The following RAB38 variants were observed in gnomAD, a reference collection of about 807,000 sequenced individuals.
RAB38 encodes ras-related protein Rab-38.
Under a neutral mutation model 18.4 loss-of-function variants are expected in RAB38, and 15 were observed. The observed-to-expected ratio is 0.82, with a 90% confidence interval of 0.55 to 1.26. RAB38 has a LOEUF of 1.26. Among genes scored for constraint, RAB38 ranks in the 50% most tolerant of loss-of-function variants. RAB38 has a pLI of 0.00. For synonymous variants in RAB38, 101 were observed against 104.4 expected (o/e 0.97, Z 0.20); for missense variants, 294 against 267.4 (o/e 1.10, Z -0.69).
chr11:88,052,901 CATATATATATAT>C, the RAB38 span, among the ~76,000 whole-genome samples: 6 of 21,510 alleles, frequency 2.8e-4, no homozygotes, highest in East Asian at 1.9e-3. Context: ...GAAAAAATTT[CATATATATATAT>C]ATATATATAT....
At chr11:87,879,839 A>G in the RAB38 span, 1 of 151,720 alleles carries the variant, frequency 6.6e-6, no homozygotes, top group Non-Finnish European at 1.5e-5. Flanking sequence ...CACATTGTAA[A>G]GAAATAAATG....
the RAB38 span, among the ~76,000 whole-genome samples, chr11:87,861,147 A>T: frequency 1.8e-4 from 28 of 151,932 alleles, no homozygotes; most frequent in Middle Eastern, 6.3e-3. Context: ...ACAGCTGCAG[A>T]CTGTCCACGT....
chr11:88,091,293 T>C, the RAB38 span, among the ~76,000 whole-genome samples: 1 of 151,992 alleles, frequency 6.6e-6, no homozygotes, highest in Admixed American at 6.6e-5. Flanking sequence ...CCAGGTGGGC[T>C]TCACTACAAT....
chr11:88,076,998 G>A, the RAB38 span, among the ~76,000 whole-genome samples: 6 of 95,700 alleles, frequency 6.3e-5, no homozygotes, highest in African/African-American at 1.0e-4. Context: ...GAAAAGAAAA[G>A]AAAAGAAAAG....
downstream of RAB38, among the ~76,000 whole-genome samples, chr11:88,111,141 G>C (rs150823387): frequency 0.015 from 2,288 of 152,180 alleles, 55 homozygotes; most frequent in African/African-American, 0.053. Flanking sequence ...TTCTAATCAA[G>C]GTTCATTGCA....
At chr11:87,908,812 C>T in the RAB38 span, among the ~76,000 whole-genome samples, 10 of 151,998 alleles carry the variant, frequency 6.6e-5, no homozygotes, top group African/African-American at 7.2e-5. Context: ...TTCCTGTATT[C>T]GGTCACAACA....
At chr11:87,854,986 C>T in the RAB38 span, among the ~76,000 whole-genome samples, 1 of 151,840 alleles carries the variant, frequency 6.6e-6, no homozygotes, top group Admixed American at 6.6e-5. Context: ...TAGTAGAGAT[C>T]GGGTTTCACT....
the RAB38 span, among the ~76,000 whole-genome samples, chr11:88,107,417 A>G: frequency 1.3e-5 from 2 of 152,102 alleles, no homozygotes; most frequent in African/African-American, 4.8e-5. Flanking sequence ...TACTTCTTCA[A>G]TTTTAAAAAT....
At chr11:88,130,317 T>C (rs752937491) in intron 2 of RAB38, among the ~76,000 whole-genome samples, 7 of 149,082 alleles carry the variant, frequency 4.7e-5, no homozygotes, top group Non-Finnish European at 8.9e-5. Flanking sequence ...AGAAGGGAAG[T>C]GAACGCAGAA....
the RAB38 span, among the ~76,000 whole-genome samples, chr11:87,806,149 GTT>G: frequency 1.3e-5 from 2 of 152,162 alleles, no homozygotes; most frequent in Admixed American, 1.3e-4. Flanking sequence ...TTATGAATAT[GTT>G]TTTTTGACAG....
the RAB38 span, among the ~76,000 whole-genome samples, chr11:87,878,222 T>TATATATATAC: frequency 3.4e-4 from 40 of 116,206 alleles, 3 homozygotes; most frequent in East Asian, 2.5e-3. Flanking sequence ...TATATATATA[T>TATATATATAC]ACACACATAT....
At chr11:88,165,046 C>A (rs1349541865) in intron 1 of RAB38, among the ~76,000 whole-genome samples, 1 of 152,038 alleles carries the variant, frequency 6.6e-6, no homozygotes, top group Admixed American at 6.6e-5. Flanking sequence ...AGCAATGATG[C>A]ATGCAAAAAA....
chr11:87,972,503 C>T, the RAB38 span, among the ~76,000 whole-genome samples: 2 of 140,730 alleles, frequency 1.4e-5, no homozygotes, highest in Non-Finnish European at 3.1e-5. Flanking sequence ...ATGCTTGCTC[C>T]AATTAGATAG....
chr11:88,165,463 T>C (rs1591178957), intron 1 of RAB38: 1 of 152,146 alleles, frequency 6.6e-6, no homozygotes, highest in East Asian at 1.9e-4. Flanking sequence ...TGCCTGACAC[T>C]TAATAATTGG....
chr11:88,021,563 A>AATTTATTT, the RAB38 span, among the ~76,000 whole-genome samples: 1,227 of 141,928 alleles, frequency 8.6e-3, 8 homozygotes, highest in African/African-American at 0.023. Flanking sequence ...AGAGAAAGAT[A>AATTTATTT]ATTTATTTAT....
chr11:87,829,132 CA>C, the RAB38 span, among the ~76,000 whole-genome samples: 4 of 152,262 alleles, frequency 2.6e-5, no homozygotes, highest in African/African-American at 9.6e-5. Context: ...AACACTCCTG[CA>C]AAGGAGTTGG....
chr11:87,822,549 C>G, the RAB38 span, among the ~76,000 whole-genome samples: 2 of 152,136 alleles, frequency 1.3e-5, no homozygotes, highest in African/African-American at 4.8e-5. Flanking sequence ...ACTTACTAGC[C>G]TCAGAAGATT....
At chr11:88,165,710 T>C (rs1279259231) in intron 1 of RAB38, 3 of 152,104 alleles carry the variant, frequency 2.0e-5, no homozygotes, top group Admixed American at 6.6e-5. Context: ...CTATTAACTA[T>C]CCTTTTATTA....
chr11:88,087,368 A>G, the RAB38 span, among the ~76,000 whole-genome samples: 1 of 151,992 alleles, frequency 6.6e-6, no homozygotes, highest in Non-Finnish European at 1.5e-5. Context: ...TTATAAATAA[A>G]ACAGATTCGT....
Sources: gnomAD v4.1 joint callset for allele counts (sites outside exome capture counted in the v4.1 genomes callset) on GRCh38, gnomAD v4.1.1 for gene constraint, MANE v1.5 for transcripts, NCBI Gene and HGNC (gene_info 2026-07-23, HGNC 2026-07-21) for gene names.